YIPF6: variants seen among roughly 807,000 people sequenced by gnomAD.
The protein encoded by YIPF6 is protein YIPF6.
YIPF6 carries 3 observed loss-of-function variants against 16.8 expected under a neutral mutation model. The ratio of observed to expected loss-of-function variants is 0.18; its 90% CI spans 0.08 to 0.46. YIPF6 has a LOEUF of 0.46. Ranked by LOEUF, YIPF6 falls within the 20% of genes least tolerant of loss-of-function variation. YIPF6 has a pLI of 0.98. For synonymous variants in YIPF6, 67 were observed against 61.9 expected (o/e 1.08, Z -0.38); for missense variants, 145 against 184.9 (o/e 0.78, Z 1.25).
intron 1 of YIPF6, among the ~76,000 whole-genome samples, chrX:68,499,688 A>AG (rs2079033646): frequency 8.9e-6 from 1 of 111,941 alleles, no homozygotes; most frequent in Non-Finnish European, 1.9e-5. Context: ...CCCAGGCTGG[A>AG]GGGCAGTGGC....
rs375985805 is a variant in YIPF6 at position 68,522,544 on chromosome X, A to AC, written c.435-209dup. Among the ~76,000 whole-genome samples, 347 of 108,420 alleles carry AC rather than the reference A, an allele frequency of 3.2e-3. 2 individuals carry two copies. Among genetic ancestry groups the AC allele is most frequent in the Middle Eastern group, 0.014 (3 of 212 alleles). 94.1% of individuals were successfully genotyped at this position (108,420 alleles called of 115,157 possible). A position where few individuals can be genotyped will look rare whatever the true frequency, so the allele number is the denominator to read the frequency against. Reference sequence around the variant, plus strand: ...TTGAACTTCTGACCTCAGGTGATCCACCCCCCCACCCTTGGCCTCCCAAAG... The same window carrying AC: ...TTGAACTTCTGACCTCAGGTGATCCACCCCCCCCACCCTTGGCCTCCCAAAG... On this transcript the variant is annotated intron_variant, in intron 5 of 6. Coordinates refer to ENST00000462683, the MANE Select transcript of YIPF6 (RefSeq NM_173834.4).
intron 3 of YIPF6, 23 bp from the exon 4 acceptor site, chrX:68,518,747 T>A (rs1370892188): frequency 8.5e-7 from 1 of 1,173,387 alleles, no homozygotes. Context: ...TTACCTTCGC[T>A]TCTGTCTTTT....
chrX:68,511,815 A>G, intron 1 of YIPF6, 34 bp from the exon 2 acceptor site: 4 of 1,182,277 alleles, frequency 3.4e-6, no homozygotes, highest in Non-Finnish European at 4.5e-6. Context: ...ACAGTTTATT[A>G]CAGGCTTACT....
chrX:68,499,611 C>T (rs2079033283), intron 1 of YIPF6, among the ~76,000 whole-genome samples: 1 of 111,565 alleles, frequency 9.0e-6, no homozygotes, highest in Admixed American at 9.6e-5. Flanking sequence ...CCATTCTCTT[C>T]ACCATACTTG....
At chrX:68,528,191 G>C (rs1428525502) in intron 6 of YIPF6, among the ~76,000 whole-genome samples, 2 of 111,518 alleles carry the variant, frequency 1.8e-5, no homozygotes, top group African/African-American at 6.5e-5. Context: ...ATATATTTAG[G>C]ATAGTTAGCT....
At chrX:68,528,162 G>C (rs943802031) in intron 6 of YIPF6, among the ~76,000 whole-genome samples, 2 of 111,438 alleles carry the variant, frequency 1.8e-5, no homozygotes, top group African/African-American at 6.5e-5. Context: ...GAACCTGGGT[G>C]CTCCTGTATT....
intron 1 of YIPF6, among the ~76,000 whole-genome samples, chrX:68,501,655 A>G (rs374909451): frequency 1.8e-5 from 2 of 111,983 alleles, no homozygotes; most frequent in East Asian, 5.6e-4. Context: ...ATAGAAGCGC[A>G]GACTTATATA....
At chrX:68,500,411 G>T (rs965278073) in intron 1 of YIPF6, among the ~76,000 whole-genome samples, 5 of 110,563 alleles carry the variant, frequency 4.5e-5, no homozygotes. Flanking sequence ...CACCTCTGGG[G>T]TTTAAGTGAT....
At chrX:68,523,908 A>T (rs1048637719) in intron 6 of YIPF6, among the ~76,000 whole-genome samples, 4 of 112,088 alleles carry the variant, frequency 3.6e-5, no homozygotes, top group African/African-American at 6.5e-5. Context: ...TTACTTAGTT[A>T]TCCAGTGTCC....
intron 3 of YIPF6, chrX:68,513,620 C>T: frequency 8.8e-6 from 2 of 227,999 alleles, no homozygotes; most frequent in East Asian, 9.0e-5. Flanking sequence ...CAGAGTCTCA[C>T]TCTGACTTCC....
intron 4 of YIPF6, among the ~76,000 whole-genome samples, chrX:68,520,201 A>G (rs1471267880): frequency 2.7e-5 from 3 of 112,795 alleles, no homozygotes; most frequent in African/African-American, 9.6e-5. Flanking sequence ...GCCAAGTAGC[A>G]TAGCAGGGCA....
chrX:68,503,866 A>G (rs2079050076), intron 1 of YIPF6, among the ~76,000 whole-genome samples: 1 of 112,098 alleles, frequency 8.9e-6, no homozygotes, highest in Non-Finnish European at 1.9e-5. Context: ...CTACAGGTAC[A>G]TGCCACCATG....
rs1025888230 is a variant in YIPF6 at position 68,512,125 on chromosome X, A to T, written c.186+148A>T. 5.8e-6 allele frequency: 4 copies of T among 692,711 alleles called. No homozygotes were observed. In the Admixed American group the frequency reaches 1.8e-4, roughly 31 times the overall value. The allele number at this position is 692,711 out of a possible 1,213,427, so 57.1% of individuals were successfully genotyped here. Reference sequence around the variant, plus strand: ...ATTTTATCCTAGAGATTAATTTGGTACAGCCTTTTTGGAGAGCAGTTTGGT... The same window carrying T: ...ATTTTATCCTAGAGATTAATTTGGTTCAGCCTTTTTGGAGAGCAGTTTGGT... On this transcript the variant is annotated intron_variant, in intron 2 of 6. Transcript: ENST00000462683.
intron 1 of YIPF6, among the ~76,000 whole-genome samples, chrX:68,501,653 G>A (rs183795596): frequency 1.2e-4 from 13 of 111,516 alleles, no homozygotes; most frequent in East Asian, 5.6e-4. Flanking sequence ...ATATAGAAGC[G>A]CAGACTTATA....
intron 6 of YIPF6, among the ~76,000 whole-genome samples, chrX:68,524,240 C>G (rs1439235709): frequency 9.0e-6 from 1 of 110,790 alleles, no homozygotes; most frequent in African/African-American, 3.3e-5. Context: ...ACTATCTCGG[C>G]TCACTGTAAC....
intron 5 of YIPF6, 126 bp downstream of exon 5, chrX:68,521,623 G>A (rs1385840001): frequency 5.4e-5 from 39 of 716,037 alleles, no homozygotes; most frequent in Non-Finnish European, 7.4e-5. Context: ...ACCCAGGCTC[G>A]AGTGCATTGG....
chrX:68,529,325 C>T (rs189415831), intron 6 of YIPF6, among the ~76,000 whole-genome samples: 2 of 109,837 alleles, frequency 1.8e-5, no homozygotes, highest in Admixed American at 9.8e-5. Flanking sequence ...TTTTGAGCTC[C>T]GTCAGGTCAT....
intron 1 of YIPF6, among the ~76,000 whole-genome samples, chrX:68,507,883 C>G (rs1380196034): frequency 1.8e-5 from 2 of 110,994 alleles, no homozygotes; most frequent in East Asian, 2.9e-4. Context: ...AGATTACAGG[C>G]GTGAGCCACC....
chrX:68,514,245 T>A (rs947210545), intron 3 of YIPF6: 9 of 101,659 alleles, frequency 8.9e-5, no homozygotes, highest in African/African-American at 2.8e-4. Flanking sequence ...AAAAAATATA[T>A]ATATATATAT....
Sources: gnomAD v4.1 joint callset for allele counts (sites outside exome capture counted in the v4.1 genomes callset) on GRCh38, gnomAD v4.1.1 for gene constraint, MANE v1.5 for transcripts, NCBI Gene and HGNC (gene_info 2026-07-23, HGNC 2026-07-21) for gene names.